RELN: variants seen among roughly 807,000 people sequenced by gnomAD.
RELN encodes reelin.
A neutral mutation model predicts 427.6 loss-of-function variants in RELN; 108 were observed. That is an observed-to-expected ratio of 0.25 (90% CI 0.22 to 0.30). The LOEUF is 0.30. Ranked by LOEUF, RELN falls within the 10% of genes least tolerant of loss-of-function variation. The pLI is 1.00. For synonymous variants in RELN, 1,524 were observed against 1,513.4 expected, an observed-to-expected ratio of 1.01 and a Z score of -0.16; for missense variants, 3,715 against 4,302.8, an observed-to-expected ratio of 0.86 and a Z score of 3.82.
intron 57 of RELN, 118 bp from the exon 58 acceptor site, chr7:103,492,144 T>A: frequency 1.3e-6 from 1 of 790,612 alleles, no homozygotes; most frequent in Non-Finnish European, 2.2e-6. Context: ...GAAGCTTTTA[T>A]AGAGCAGCCT....
intron 11 of RELN, among the ~76,000 whole-genome samples, chr7:103,676,882 C>T (rs1309974734): frequency 6.6e-6 from 1 of 151,904 alleles, no homozygotes; most frequent in Non-Finnish European, 1.5e-5. Flanking sequence ...CACAGCGGGG[C>T]CTGTCATGGG....
chr7:103,933,145 A>T (rs1308249698), intron 1 of RELN, among the ~76,000 whole-genome samples: 2 of 152,196 alleles, frequency 1.3e-5, no homozygotes, highest in Admixed American at 1.3e-4. Flanking sequence ...GCAGCATACC[A>T]TTAGCCCACA....
In RELN at chr7:103,636,378, G is replaced by C. The variant is rs749707289; in HGVS notation, c.2160C>G (p.Leu720=). 11 of 1,613,862 alleles carry C rather than the reference G, an allele frequency of 6.8e-6. No homozygotes were observed. In the South Asian group the frequency reaches 7.7e-5, roughly 11 times the overall value. Residue 720 remains leucine (L), a synonymous_variant, in exon 18 of 65, where the codon CTC becomes CTG. Coordinates refer to ENST00000428762, the MANE Select transcript of RELN (RefSeq NM_005045.4). ...TAGAGTAAAAGTTATGGTAAGAGGA[G>C]AGCCTGGAACTGCCAAAGCTTTCAG... is the stretch of plus-strand genomic sequence containing the variant. ...FISESFGSSR[L]SSYHNFYSIR...
chr7:103,835,378 C>G (rs1202524946), intron 2 of RELN, among the ~76,000 whole-genome samples: 1 of 152,134 alleles, frequency 6.6e-6, no homozygotes. Context: ...GATATGTGTC[C>G]TTATAAATGT....
intron 2 of RELN, among the ~76,000 whole-genome samples, chr7:103,845,745 G>A (rs542269086): frequency 1.3e-5 from 2 of 151,916 alleles, no homozygotes; most frequent in African/African-American, 2.4e-5. Flanking sequence ...CAGCCAAATC[G>A]GAGTAAACTC....
chr7:103,482,081 C>T (rs1828261332), intron 63 of RELN: 2 of 152,130 alleles, frequency 1.3e-5, no homozygotes, highest in South Asian at 2.1e-4. Context: ...TGGTAGTTTT[C>T]CTACCAATTA....
intron 2 of RELN, among the ~76,000 whole-genome samples, chr7:103,843,963 G>T (rs1242197927): frequency 1.3e-5 from 2 of 152,064 alleles, no homozygotes; most frequent in Non-Finnish European, 2.9e-5. Flanking sequence ...CGCACTGCCT[G>T]CCCCCAGCCT....
intron 4 of RELN, among the ~76,000 whole-genome samples, chr7:103,761,662 C>T (rs534312652): frequency 6.6e-6 from 1 of 152,048 alleles, no homozygotes; most frequent in African/African-American, 2.4e-5. Context: ...TACCACATTG[C>T]CCAGGCTGGT....
intron 11 of RELN, among the ~76,000 whole-genome samples, chr7:103,669,940 A>T (rs1399093488): frequency 6.6e-6 from 1 of 152,144 alleles, no homozygotes; most frequent in Non-Finnish European, 1.5e-5. Flanking sequence ...GTTGGAGCAC[A>T]GAAAAAGTTT....
In RELN at chr7:103,620,203, A is replaced by G. The variant is rs2299352; in HGVS notation, c.2703-8400T>C. Reference sequence around the variant, plus strand: ...TTTTGCTTGACTCTCATTTTGTCTCATCTGCTGCCATGTAAGACGTGCCTT... The same window carrying G: ...TTTTGCTTGACTCTCATTTTGTCTCGTCTGCTGCCATGTAAGACGTGCCTT... On this transcript the variant is annotated intron_variant, in intron 20 of 64. Coordinates refer to ENST00000428762, the MANE Select transcript of RELN (RefSeq NM_005045.4). This position sits in a 1 kb window ranked among gnomAD's most constrained non-coding sequence, Gnocchi z 4.1. Among the ~76,000 whole-genome samples the G allele has an allele frequency of 0.04, 6,131 of 152,144 alleles. 168 individuals carry two copies. The highest frequency in any genetic ancestry group is 0.14 in the East Asian group (742 of 5,152).
chr7:103,472,533 C>CTGTTTCTTAT lies in RELN; in HGVS notation c.*269_*278dup. The CTGTTTCTTAT allele has an allele frequency of 2.6e-6, 1 of 391,658 alleles. No individual in the cohort carries two copies. Among genetic ancestry groups the CTGTTTCTTAT allele is most frequent in the Non-Finnish European group, 4.7e-6 (1 of 211,808 alleles). 24.3% of individuals were successfully genotyped at this position (391,658 alleles called of 1,614,324 possible). On this transcript the variant is annotated 3_prime_UTR_variant, in exon 65 of 65. Coordinates refer to ENST00000428762, the MANE Select transcript of RELN (RefSeq NM_005045.4). ...GCTTAAATTTCATTTTTCTGTTAAA[C>CTGTTTCTTAT]TGTTTCTTATTGTCAATACTGCCAC...
intron 2 of RELN, among the ~76,000 whole-genome samples, chr7:103,907,654 A>G (rs1186535994): frequency 6.6e-6 from 1 of 151,826 alleles, no homozygotes; most frequent in East Asian, 1.9e-4. Flanking sequence ...TCTTGTGAAT[A>G]TACTGCAAAT....
chr7:103,579,355 T>C (rs1199319470), intron 28 of RELN, among the ~76,000 whole-genome samples: 1 of 152,158 alleles, frequency 6.6e-6, no homozygotes, highest in Non-Finnish European at 1.5e-5. Context: ...TCCCAGTGCT[T>C]TGGGAGACCT....
At position 103,583,937 on chromosome 7, in the gene RELN, T is replaced by C. The variant is rs115776292; in HGVS notation, c.4145+5659A>G. Among the ~76,000 whole-genome samples the C allele has an allele frequency of 6.1e-3, 931 of 152,310 alleles. 9 individuals carry two copies. The highest frequency in any genetic ancestry group is 0.021 in the African/African-American group (893 of 41,564). ...AGACAGGGAACTCACGCTAGGTCAC[T>C]CATGCCCCACTCCTGAGACCTGAAT... On this transcript the variant is annotated intron_variant, in intron 28 of 64. Coordinates refer to ENST00000428762, the MANE Select transcript of RELN (RefSeq NM_005045.4).
chr7:103,558,354 C>G (rs1157134409), intron 36 of RELN, among the ~76,000 whole-genome samples: 1 of 152,106 alleles, frequency 6.6e-6, no homozygotes, highest in Non-Finnish European at 1.5e-5. Context: ...TTTTTAAAAA[C>G]AGCCTCCTTT....
At chr7:103,834,248 C>T (rs1195489730) in intron 2 of RELN, among the ~76,000 whole-genome samples, 1 of 152,160 alleles carries the variant, frequency 6.6e-6, no homozygotes, top group African/African-American at 2.4e-5. Context: ...ATCTCAGAGA[C>T]ATGAGGGATG....
At chr7:103,577,205 A>C (rs1252365551) in intron 28 of RELN, among the ~76,000 whole-genome samples, 1 of 152,160 alleles carries the variant, frequency 6.6e-6, no homozygotes, top group Admixed American at 6.5e-5. Context: ...TCTCCCCTCT[A>C]TTATTGTGAG....
At chr7:103,503,525 A>G (rs1384959355) in intron 51 of RELN, among the ~76,000 whole-genome samples, 2 of 152,236 alleles carry the variant, frequency 1.3e-5, no homozygotes, top group African/African-American at 4.8e-5. Flanking sequence ...TCACTCCTAC[A>G]AACTGTTAGT....
intron 3 of RELN, among the ~76,000 whole-genome samples, chr7:103,805,147 G>C (rs1443346470): frequency 3.3e-5 from 5 of 151,992 alleles, no homozygotes; most frequent in Non-Finnish European, 7.4e-5. Flanking sequence ...CTGGCTGAGT[G>C]AACTTGGGTA....
Sources: allele counts gnomAD v4.1 joint callset (sites outside exome capture counted in the v4.1 genomes callset), GRCh38; gene constraint gnomAD v4.1.1; non-coding constraint Gnocchi (gnomAD v3.1); transcripts MANE v1.5; gene names NCBI Gene and HGNC (gene_info 2026-07-23, HGNC 2026-07-21).